The following HYCC1 variants were observed in gnomAD, a reference collection of about 807,000 sequenced individuals.
HYCC1 encodes hyccin PI4KA lipid kinase complex subunit 1.
chr7:22,963,523 A>T, the HYCC1 span, among the ~76,000 whole-genome samples: 8 of 152,236 alleles, frequency 5.3e-5, no homozygotes, highest in African/African-American at 1.9e-4. Context: ...AACACAAAGA[A>T]AAAAGATAAA....
chr7:22,908,678 G>C, the HYCC1 span, among the ~76,000 whole-genome samples: 1 of 152,170 alleles, frequency 6.6e-6, no homozygotes, highest in Admixed American at 6.5e-5. Context: ...ACCTTGTGTA[G>C]TAAAGAATTA....
At chr7:22,945,257 C>G in the HYCC1 span, 1 of 352,942 alleles carries the variant, frequency 2.8e-6, no homozygotes, top group African/African-American at 2.1e-5. Flanking sequence ...GAAAAACCAC[C>G]TTACAACCTC....
chr7:22,932,491 C>G, the HYCC1 span, among the ~76,000 whole-genome samples: 1 of 152,152 alleles, frequency 6.6e-6, no homozygotes, highest in Non-Finnish European at 1.5e-5. Flanking sequence ...TTGGAAATAT[C>G]TCTCTTATGT....
the HYCC1 span, among the ~76,000 whole-genome samples, chr7:22,898,575 A>ATTTT: frequency 1.5e-5 from 2 of 132,218 alleles, no homozygotes; most frequent in African/African-American, 5.7e-5. Flanking sequence ...TGGTCCAAAT[A>ATTTT]TTTCTTTTCT....
chr7:22,897,151 A>T, the HYCC1 span, among the ~76,000 whole-genome samples: 2 of 152,186 alleles, frequency 1.3e-5, no homozygotes, highest in South Asian at 4.1e-4. Flanking sequence ...CAGCGATTGC[A>T]GACAGCAAGG....
the HYCC1 span, among the ~76,000 whole-genome samples, chr7:22,898,110 A>C: frequency 6.6e-6 from 1 of 151,126 alleles, no homozygotes; most frequent in South Asian, 2.1e-4. Context: ...GCAGTGCATG[A>C]TCATGGCTCA....
At chr7:22,953,475 T>C in the HYCC1 span, among the ~76,000 whole-genome samples, 1 of 151,924 alleles carries the variant, frequency 6.6e-6, no homozygotes. Context: ...AATAATTCTG[T>C]CTCTGGCTGG....
At chr7:22,927,868 T>C in the HYCC1 span, among the ~76,000 whole-genome samples, 38 of 152,010 alleles carry the variant, frequency 2.5e-4, no homozygotes, top group East Asian at 1.5e-3. Context: ...CAAAGCCTGG[T>C]AGAGACACAA....
chr7:23,011,257 C>G, the HYCC1 span, among the ~76,000 whole-genome samples: 1 of 152,200 alleles, frequency 6.6e-6, no homozygotes, highest in Non-Finnish European at 1.5e-5. Flanking sequence ...GTCATTTCAT[C>G]ACAACTAAAT....
chr7:22,974,090 G>A, the HYCC1 span, among the ~76,000 whole-genome samples: 1 of 152,144 alleles, frequency 6.6e-6, no homozygotes, highest in Non-Finnish European at 1.5e-5. Context: ...AGTTCTAGAG[G>A]TGAAAATTGC....
the HYCC1 span, chr7:22,976,370 G>C: frequency 1.5e-4 from 164 of 1,095,860 alleles, no homozygotes; most frequent in Non-Finnish European, 2.1e-4. Context: ...TATAATAGGG[G>C]AGAGAGCACT....
At chr7:22,907,394 C>T in the HYCC1 span, among the ~76,000 whole-genome samples, 2 of 152,156 alleles carry the variant, frequency 1.3e-5, no homozygotes, top group African/African-American at 4.8e-5. Flanking sequence ...TCCAGGCAAC[C>T]TCATCACGGA....
At chr7:22,952,186 C>T in the HYCC1 span, among the ~76,000 whole-genome samples, 121 of 151,712 alleles carry the variant, frequency 8.0e-4, 1 homozygote, top group African/African-American at 2.6e-3. Context: ...ACTGTAATAT[C>T]GGAACCAAGT....
the HYCC1 span, chr7:22,983,684 A>G: frequency 2.4e-6 from 1 of 423,518 alleles, no homozygotes; most frequent in Admixed American, 3.7e-5. Context: ...TTGCTGAATG[A>G]ATAAAATGAA....
chr7:22,980,047 G>A, the HYCC1 span, among the ~76,000 whole-genome samples: 4 of 152,108 alleles, frequency 2.6e-5, no homozygotes, highest in Non-Finnish European at 4.4e-5. Flanking sequence ...CTAAGACAAA[G>A]AGGCTATCCA....
the HYCC1 span, among the ~76,000 whole-genome samples, chr7:22,918,043 A>G: frequency 6.0e-4 from 91 of 152,278 alleles, no homozygotes; most frequent in African/African-American, 2.2e-3. Context: ...TTAAAAAAAG[A>G]GGACTCTGTA....
chr7:22,920,890 C>G, the HYCC1 span, among the ~76,000 whole-genome samples: 38 of 152,246 alleles, frequency 2.5e-4, no homozygotes, highest in African/African-American at 9.1e-4. Context: ...GTGATGAGTT[C>G]TTGCTCAGCT....
the HYCC1 span, among the ~76,000 whole-genome samples, chr7:22,948,705 G>A: frequency 2.0e-5 from 3 of 151,992 alleles, no homozygotes; most frequent in Non-Finnish European, 2.9e-5. Flanking sequence ...CAACATGCTG[G>A]TGTAATTATT....
chr7:22,906,627 A>G, the HYCC1 span, among the ~76,000 whole-genome samples: 1 of 151,898 alleles, frequency 6.6e-6, no homozygotes, highest in Non-Finnish European at 1.5e-5. Context: ...ATTTTCAGAT[A>G]TACATAAAAT....
Sources: gnomAD v4.1 joint callset for allele counts (sites outside exome capture counted in the v4.1 genomes callset) on GRCh38, gnomAD v4.1.1 for gene constraint, MANE v1.5 for transcripts, NCBI Gene and HGNC (gene_info 2026-07-23, HGNC 2026-07-21) for gene names.